C1orf185: variants seen among roughly 807,000 people sequenced by gnomAD.
C1orf185 encodes the protein chromosome 1 open reading frame 185, also known as uncharacterized protein C1orf185.
C1orf185 carries 13 observed loss-of-function variants against 16.1 expected under a neutral mutation model. That is an observed-to-expected ratio of 0.81 (90% CI 0.53 to 1.28). C1orf185 has a LOEUF of 1.28. Among genes scored for constraint, C1orf185 ranks in the 50% most tolerant of loss-of-function variants. The probability of loss-of-function intolerance (pLI) is 0.00; values close to 1 mark genes in which losing one functional copy is unlikely to be tolerated. For missense variants in C1orf185, 220 were observed against 225.2 expected (o/e 0.98, Z 0.15); for synonymous variants, 80 against 76.9 (o/e 1.04, Z -0.21).
downstream of C1orf185, among the ~76,000 whole-genome samples, chr1:51,149,351 C>A (rs11807353): frequency 0.043 from 6,492 of 152,206 alleles, 386 homozygotes; most frequent in African/African-American, 0.13. Context: ...TCATTCCTAT[C>A]CCAAGAGCAA....
In C1orf185 at chr1:51,127,918, C is replaced by T. The variant is rs1344319185; in HGVS notation, c.258+9117C>T. On this transcript the variant is annotated intron_variant, in intron 3 of 4. Coordinates refer to ENST00000371759, the MANE Select transcript of C1orf185 (RefSeq NM_001136508.2). ...TTTTTTTTTTTTTGAGATAGAGTCTCGCTCTGTCACCCAGGCTGGAATGCA... is the reference window on the plus strand; with the variant it reads ...TTTTTTTTTTTTTGAGATAGAGTCTTGCTCTGTCACCCAGGCTGGAATGCA... Among the ~76,000 whole-genome samples the T allele has an allele frequency of 2.9e-5, 4 of 137,134 alleles. No homozygotes were observed. The Admixed American group carries it at 3.1e-4, about 11-fold the overall frequency. 90.0% of individuals were successfully genotyped at this position (137,134 alleles called of 152,430 possible).
chr1:51,109,570 A>C (rs1291867789), intron 1 of C1orf185, among the ~76,000 whole-genome samples: 1 of 151,222 alleles, frequency 6.6e-6, no homozygotes, highest in Non-Finnish European at 1.5e-5. Context: ...TCTTTAATCC[A>C]TTTTGAGTTG....
downstream of C1orf185, among the ~76,000 whole-genome samples, chr1:51,151,542 T>C (rs1195351261): frequency 6.6e-6 from 1 of 152,086 alleles, no homozygotes; most frequent in African/African-American, 2.4e-5. Context: ...ACTGCCACAG[T>C]AAGACTGTAG....
intron 1 of C1orf185, among the ~76,000 whole-genome samples, chr1:51,103,670 A>T (rs1424467271): frequency 6.6e-6 from 1 of 151,614 alleles, no homozygotes; most frequent in Non-Finnish European, 1.5e-5. Context: ...GCTAACTGGG[A>T]CCACAGGTGC....
At chr1:51,130,367 G>A (rs890356077) in intron 3 of C1orf185, among the ~76,000 whole-genome samples, 1 of 146,596 alleles carries the variant, frequency 6.8e-6, no homozygotes, top group African/African-American at 2.6e-5. Flanking sequence ...TTTTTTTTAA[G>A]AGACAAGGGC....
chr1:51,107,844 T>C (rs995123514), intron 1 of C1orf185, among the ~76,000 whole-genome samples: 8 of 152,258 alleles, frequency 5.3e-5, no homozygotes, highest in African/African-American at 1.9e-4. Context: ...TTGCTGTAAA[T>C]ATTTTGTTTT....
chr1:51,128,348 G>A (rs964968842), intron 3 of C1orf185, among the ~76,000 whole-genome samples: 5 of 152,044 alleles, frequency 3.3e-5, no homozygotes, highest in African/African-American at 1.2e-4. Flanking sequence ...ATTTTCCATG[G>A]ACTTGCCAAC....
intron 1 of C1orf185, among the ~76,000 whole-genome samples, chr1:51,106,380 T>A (rs890600965): frequency 1.3e-5 from 2 of 152,174 alleles, no homozygotes; most frequent in Non-Finnish European, 2.9e-5. Context: ...TCTCTCTTTT[T>A]TTTTTAAACA....
At chr1:51,138,361 G>A (rs960101952) in intron 3 of C1orf185, among the ~76,000 whole-genome samples, 1 of 151,954 alleles carries the variant, frequency 6.6e-6, no homozygotes, top group African/African-American at 2.4e-5. Context: ...ATGTATTCAC[G>A]TTGTGCAACC....
chr1:51,116,804 T>C (rs926223146), intron 2 of C1orf185, among the ~76,000 whole-genome samples: 3 of 148,630 alleles, frequency 2.0e-5, no homozygotes, highest in Non-Finnish European at 4.4e-5. Flanking sequence ...TCTTTGTATA[T>C]GATATTCTCT....
rs1218448692 is a variant in C1orf185, at chr1:51,145,750, A to C, written c.285A>C (p.Ala95=). The C allele has an allele frequency of 7.6e-7, 1 of 1,314,870 alleles. No individual in the cohort carries two copies. 81.5% of individuals were successfully genotyped at this position (1,314,870 alleles called of 1,614,324 possible). The part of the protein sequence containing the change: ...LQEEQRKKEA[A]HIKAIKDHSK... ...AGGAGCAAAGAAAAAAGGAAGCAGC[A>C]CATATAAAAGGTATTTTTTCTCAAT... is the stretch of plus-strand genomic sequence containing the variant. The change falls in exon 4 of 5, where the codon GCA becomes GCC. Residue 95 remains alanine (A), a synonymous_variant. Coordinates refer to ENST00000371759, the MANE Select transcript of C1orf185 (RefSeq NM_001136508.2).
intron 3 of C1orf185, among the ~76,000 whole-genome samples, chr1:51,127,003 T>C (rs1371823057): frequency 6.6e-6 from 1 of 152,222 alleles, no homozygotes; most frequent in Non-Finnish European, 1.5e-5. Flanking sequence ...TCATTATTTA[T>C]AACTTGGGTT....
intron 3 of C1orf185, among the ~76,000 whole-genome samples, chr1:51,135,363 A>G (rs1157270510): frequency 6.6e-6 from 1 of 152,164 alleles, no homozygotes; most frequent in African/African-American, 2.4e-5. Context: ...AACATGGAGA[A>G]ACCCCATCTC....
At chr1:51,103,859 A>C (rs1210915049) in intron 1 of C1orf185, among the ~76,000 whole-genome samples, 2 of 152,192 alleles carry the variant, frequency 1.3e-5, no homozygotes, top group African/African-American at 4.8e-5. Context: ...TTCTTATAAT[A>C]TTATCTTATT....
At chr1:51,139,869 G>A (rs763670582) in intron 3 of C1orf185, among the ~76,000 whole-genome samples, 64 of 152,090 alleles carry the variant, frequency 4.2e-4, no homozygotes, top group Non-Finnish European at 8.2e-4. Flanking sequence ...GCTCTACTTG[G>A]CATGTTCTTT....
intron 2 of C1orf185, among the ~76,000 whole-genome samples, chr1:51,116,132 A>T (rs542726561): frequency 6.6e-6 from 1 of 152,026 alleles, no homozygotes; most frequent in Admixed American, 6.6e-5. Context: ...TATATTGCTC[A>T]TATCTACTCA....
At chr1:51,144,047 C>T (rs1646383536) in intron 3 of C1orf185, among the ~76,000 whole-genome samples, 2 of 152,310 alleles carry the variant, frequency 1.3e-5, no homozygotes, top group South Asian at 4.1e-4. Flanking sequence ...TATTAAGTTT[C>T]ACTAGAAAAA....
At chr1:51,103,646 G>T (rs1484563111) in intron 1 of C1orf185, among the ~76,000 whole-genome samples, 1 of 150,174 alleles carries the variant, frequency 6.7e-6, no homozygotes, top group Non-Finnish European at 1.5e-5. Context: ...CAATTCTCCT[G>T]CCTCAGCTGC....
intron 3 of C1orf185, among the ~76,000 whole-genome samples, chr1:51,120,332 T>G (rs569896807): frequency 2.6e-5 from 4 of 152,336 alleles, no homozygotes; most frequent in Admixed American, 1.3e-4. Context: ...CAATTCTGAC[T>G]GTACCACCAA....
Sources: allele counts gnomAD v4.1 joint callset (sites outside exome capture counted in the v4.1 genomes callset), GRCh38; gene constraint gnomAD v4.1.1; transcripts MANE v1.5; gene names NCBI Gene and HGNC (gene_info 2026-07-23, HGNC 2026-07-21).